The following AP3M2 variants were observed in gnomAD, a reference collection of about 807,000 sequenced individuals.
The protein encoded by AP3M2 is AP-3 complex subunit mu-2.
In AP3M2, 28 loss-of-function variants were observed where a neutral mutation model predicts 41.6. The observed-to-expected ratio is 0.67, with a 90% CI of 0.50 to 0.92. The LOEUF is 0.92. Among genes scored for constraint, AP3M2 ranks in the 40% least tolerant of loss-of-function variants. The probability of loss-of-function intolerance (pLI) is 0.00; values close to 1 mark genes in which losing one functional copy is unlikely to be tolerated. For synonymous variants in AP3M2, 193 were observed against 186.4 expected (o/e 1.04, Z -0.29); for missense variants, 427 against 521.4 (o/e 0.82, Z 1.76).
intron 1 of AP3M2, chr8:42,154,110 T>G (rs1212729448): frequency 3.9e-5 from 6 of 152,262 alleles, no homozygotes; most frequent in Non-Finnish European, 5.9e-5. Context: ...CTTTCAGATT[T>G]GTCGTGTGTC....
At position 42,167,300 on chromosome 8, in the gene AP3M2, A is replaced by C. The variant is rs1804666266; in HGVS notation, c.940A>C (p.Met314Leu). Residue 314 changes from methionine to leucine, a missense_variant, in exon 7 of 9, where the codon ATG (methionine) becomes CTG (leucine). Met to Leu is a conservative substitution (Grantham distance 15). Coordinates refer to ENST00000396926, the MANE Select transcript of AP3M2 (RefSeq NM_006803.4). ...TGAGGGAGTGACTGTCACCAGCCAGATGCCCAAGGGGGTCCTGAACATGAG... is the reference window on the plus strand; with the variant it reads ...TGAGGGAGTGACTGTCACCAGCCAGCTGCCCAAGGGGGTCCTGAACATGAG... ...TIEGVTVTSQ[M>L]PKGVLNMSLT... 1.2e-6 allele frequency: 2 copies of C among 1,614,166 alleles called. No homozygotes were observed. The highest frequency in any genetic ancestry group is 1.7e-6 in the Non-Finnish European group (2 of 1,180,030).
chr8:42,161,876 A>G (rs1804514793), intron 3 of AP3M2, among the ~76,000 whole-genome samples: 1 of 152,220 alleles, frequency 6.6e-6, no homozygotes, highest in Non-Finnish European at 1.5e-5. Flanking sequence ...AGTACCTACC[A>G]TAAATGTACC....
At chr8:42,155,172 G>A (rs1438763850) in intron 2 of AP3M2, among the ~76,000 whole-genome samples, 4 of 152,134 alleles carry the variant, frequency 2.6e-5, no homozygotes, top group South Asian at 2.1e-4. Flanking sequence ...AACCTCTTGC[G>A]TGGGAAAGTC....
chr8:42,166,591 C>CAAAA (rs56858276), intron 6 of AP3M2, among the ~76,000 whole-genome samples: 3 of 77,054 alleles, frequency 3.9e-5, no homozygotes, highest in Non-Finnish European at 4.8e-5. Context: ...CTTGTCTCTA[C>CAAAA]AAAAAAAAAA....
intron 1 of AP3M2, chr8:42,153,632 C>T (rs1336035999): frequency 6.6e-6 from 1 of 152,182 alleles, no homozygotes; most frequent in Non-Finnish European, 1.5e-5. Context: ...CGTCTGAGGG[C>T]CTTGGGGTGT....
At chr8:42,159,293 A>G (rs774218610) in intron 3 of AP3M2, among the ~76,000 whole-genome samples, 4 of 152,244 alleles carry the variant, frequency 2.6e-5, no homozygotes, top group Non-Finnish European at 4.4e-5. Flanking sequence ...GGGTGTATAC[A>G]TTTTAAGTAC....
intron 8 of AP3M2, chr8:42,168,271 C>T: frequency 2.2e-6 from 1 of 456,202 alleles, no homozygotes; most frequent in East Asian, 6.9e-5. Flanking sequence ...ATAGTCTGTG[C>T]CGACCTTAGC....
chr8:42,166,742 G>C (rs901557331), intron 6 of AP3M2, among the ~76,000 whole-genome samples: 1 of 151,880 alleles, frequency 6.6e-6, no homozygotes, highest in Non-Finnish European at 1.5e-5. Context: ...ACTCCAACCA[G>C]GCTGACCGAG....
In AP3M2 at chr8:42,167,776, C is replaced by T. The variant is rs573401317; in HGVS notation, c.1122C>T (p.Asn374=). ...ASKPDENPTI[N]LQFKIQQLAI... is the part of the protein sequence containing the mutation. ...AACCAGATGAAAACCCCACAATTAA[C>T]CTGCAGTTTAAGATCCAGCAGCTGG... The change falls in exon 8 of 9, where the codon AAC becomes AAT. Residue 374 remains asparagine, a synonymous_variant. Coordinates refer to ENST00000396926, the MANE Select transcript of AP3M2 (RefSeq NM_006803.4). 13 of 1,614,088 alleles carry T rather than the reference C, an allele frequency of 8.1e-6. No individual in the cohort carries two copies. The African/African-American group carries it at 9.3e-5, about 12-fold the overall frequency.
At chr8:42,154,327 C>G (rs1804296337) in intron 1 of AP3M2, 2 of 197,228 alleles carry the variant, frequency 1.0e-5, no homozygotes, top group Non-Finnish European at 2.1e-5. Flanking sequence ...AGGCACGGCC[C>G]TTTTCTTCAA....
chr8:42,164,239 A>T (rs551386219), intron 4 of AP3M2, among the ~76,000 whole-genome samples: 21 of 152,354 alleles, frequency 1.4e-4, no homozygotes, highest in African/African-American at 4.8e-4. Context: ...TGGCTTAGGC[A>T]GCAGGATAGA....
At chr8:42,158,181 A>G in intron 3 of AP3M2, 69 bp downstream of exon 3, 1 of 1,516,662 alleles carries the variant, frequency 6.6e-7, no homozygotes, top group Non-Finnish European at 9.1e-7. Flanking sequence ...CGAGTGTCGC[A>G]CATTGTTTTG....
At chr8:42,154,518 G>C in intron 1 of AP3M2, 98 bp from the exon 2 acceptor site, 6 of 904,174 alleles carry the variant, frequency 6.6e-6, no homozygotes, top group Non-Finnish European at 8.1e-6. Flanking sequence ...GGAAGATTGG[G>C]CCTGGTCTTG....
chr8:42,167,307 A>C lies in AP3M2; in HGVS notation c.947A>C (p.Lys316Thr). 3.1e-6 allele frequency: 5 copies of C among 1,614,164 alleles called. No homozygotes were observed. The highest frequency in any genetic ancestry group is 1.1e-5 in the South Asian group (1 of 91,082). ...GTGACTGTCACCAGCCAGATGCCCA[A>C]GGGGGTCCTGAACATGAGCCTTACT... The part of the protein sequence containing the change: ...EGVTVTSQMP[K>T]GVLNMSLTPS... Residue 316 changes from lysine to threonine, a missense_variant, in exon 7 of 9, where the codon AAG (lysine) becomes ACG (threonine). Physicochemically the swap from Lys to Thr is moderately conservative, Grantham distance 78. This residue lies in a region of AP3M2 where 237 missense variants were observed against 284.9 expected (regional missense o/e 0.83). Transcript: ENST00000396926.
Position 42,162,294 on chromosome 8 carries a change from G to C in AP3M2, c.459G>C (p.Val153=). ...VVNTITGSTN[V]GDQLPTGQLS... is the part of the protein sequence containing the mutation. ...TAATTGCCTCAGGAAGCACGAATGT[G>C]GGTGACCAGCTTCCCACTGGGCAGC... Residue 153 remains valine, a synonymous_variant, in exon 4 of 9, where the codon GTG becomes GTC. Coordinates refer to ENST00000396926, the MANE Select transcript of AP3M2 (RefSeq NM_006803.4). The C allele has an allele frequency of 6.2e-7, 1 of 1,611,792 alleles. No homozygotes were observed. The highest frequency in any genetic ancestry group is 8.5e-7 in the Non-Finnish European group (1 of 1,179,048).
intron 8 of AP3M2, chr8:42,168,316 A>T (rs1804696992): frequency 6.9e-6 from 3 of 435,786 alleles, no homozygotes; most frequent in Non-Finnish European, 1.4e-5. Flanking sequence ...GGGGGCATTT[A>T]CCATGTTCCA....
rs777730812 is a variant in AP3M2 at position 42,158,090 on chromosome 8, A to G, written c.423A>G (p.Arg141=). Residue 141 remains arginine, a synonymous_variant, in exon 3 of 9, where the codon CGA becomes CGG. Coordinates refer to ENST00000396926, the MANE Select transcript of AP3M2 (RefSeq NM_006803.4). ...TCATAAAGCCTCCTACCATCCTTCGAACGGTTGTCAACACCATCACAGGTA... is the reference window on the plus strand; with the variant it reads ...TCATAAAGCCTCCTACCATCCTTCGGACGGTTGTCAACACCATCACAGGTA... The part of the protein sequence containing the change: ...KELIKPPTIL[R]TVVNTITGST... 1 of 1,613,652 alleles carries G rather than the reference A, an allele frequency of 6.2e-7. No homozygotes were observed. Among genetic ancestry groups the G allele is most frequent in the African/African-American group, 1.3e-5 (1 of 75,010 alleles).
chr8:42,169,187 C>G lies in AP3M2; in HGVS notation c.*126C>G. ...CTGGACCCACCCGCTCCCTTTTTTCCTTAGCCTTCAGTGCCATGGAACTAA... is the reference window on the plus strand; with the variant it reads ...CTGGACCCACCCGCTCCCTTTTTTCGTTAGCCTTCAGTGCCATGGAACTAA... On this transcript the variant is annotated 3_prime_UTR_variant, in exon 9 of 9. Coordinates refer to ENST00000396926, the MANE Select transcript of AP3M2 (RefSeq NM_006803.4). 1.5e-6 allele frequency: 1 copy of G among 688,094 alleles called. No homozygotes were observed. The highest frequency in any genetic ancestry group is 2.1e-5 in the South Asian group (1 of 47,220). 42.6% of individuals were successfully genotyped at this position (688,094 alleles called of 1,614,324 possible). A position where few individuals can be genotyped will look rare whatever the true frequency, so the allele number is the denominator to read the frequency against.
chr8:42,168,880 T>A, intron 8 of AP3M2, 81 bp from the exon 9 acceptor site: 2 of 999,102 alleles, frequency 2.0e-6, no homozygotes, highest in Non-Finnish European at 3.0e-6. Flanking sequence ...CTGACTTCAG[T>A]GTATTGAACA....
Sources: gnomAD v4.1 joint callset for allele counts (sites outside exome capture counted in the v4.1 genomes callset) on GRCh38, gnomAD v4.1.1 for gene constraint, gnomAD v4.1.1 regional missense constraint, MANE v1.5 for transcripts, NCBI Gene and HGNC (gene_info 2026-07-23, HGNC 2026-07-21) for gene names.